GARIN1A: variants seen among roughly 807,000 people sequenced by gnomAD.
GARIN1A encodes the protein Golgi-associated RAB2 interactor protein 1A.
At chr7:128,697,038 G>T in the GARIN1A span, among the ~76,000 whole-genome samples, 7 of 152,126 alleles carry the variant, frequency 4.6e-5, no homozygotes, top group Non-Finnish European at 1.0e-4. Context: ...TTTGTTCTTG[G>T]TGCTTAACCA....
chr7:128,683,451 A>ATTTT, the GARIN1A span: 1 of 107,264 alleles, frequency 9.3e-6, no homozygotes, highest in African/African-American at 4.1e-5. Flanking sequence ...AGACTGGGTA[A>ATTTT]TTTTATTTAT....
chr7:128,677,583 G>A, the GARIN1A span: 13 of 1,608,678 alleles, frequency 8.1e-6, no homozygotes, highest in South Asian at 5.5e-5. Flanking sequence ...CCTGAAGTAC[G>A]TGGAGCTACG....
the GARIN1A span, among the ~76,000 whole-genome samples, chr7:128,676,110 C>T: frequency 6.6e-6 from 1 of 151,186 alleles, no homozygotes; most frequent in Admixed American, 6.6e-5. Flanking sequence ...AGCCCCGCCT[C>T]CCGGGTTCAC....
chr7:128,707,026 G>GTT, the GARIN1A span, among the ~76,000 whole-genome samples: 18 of 148,600 alleles, frequency 1.2e-4, no homozygotes, highest in South Asian at 6.4e-4. Flanking sequence ...TCTCCTAAAA[G>GTT]TTTTTTTTTT....
the GARIN1A span, chr7:128,672,603 C>T: frequency 2.2e-5 from 24 of 1,088,680 alleles, no homozygotes; most frequent in Non-Finnish European, 2.9e-5. Flanking sequence ...AAACCTGTTC[C>T]TAGGGGTTGG....
At chr7:128,688,758 CCCCCCT>C in the GARIN1A span, among the ~76,000 whole-genome samples, 1 of 35,790 alleles carries the variant, frequency 2.8e-5, no homozygotes, top group Non-Finnish European at 5.9e-5. Flanking sequence ...TAATAACGGT[CCCCCCT>C]CCCCCTCCCC....
chr7:128,674,429 G>C, the GARIN1A span, among the ~76,000 whole-genome samples: 1 of 152,168 alleles, frequency 6.6e-6, no homozygotes, highest in East Asian at 1.9e-4. Flanking sequence ...ACAGTCCAAA[G>C]TTTACTTGAA....
chr7:128,680,104 G>A, the GARIN1A span: 17 of 1,578,058 alleles, frequency 1.1e-5, no homozygotes, highest in African/African-American at 2.2e-4. Context: ...CAGACCAGTG[G>A]CAGTTTCTCA....
chr7:128,699,989 T>A, the GARIN1A span, among the ~76,000 whole-genome samples: 1 of 152,212 alleles, frequency 6.6e-6, no homozygotes, highest in African/African-American at 2.4e-5. Context: ...TGGTTTAAAG[T>A]CCATTTGACT....
the GARIN1A span, among the ~76,000 whole-genome samples, chr7:128,689,131 G>A: frequency 6.6e-6 from 1 of 152,002 alleles, no homozygotes; most frequent in Admixed American, 6.6e-5. Flanking sequence ...GGAGTGCAGT[G>A]GCGTGATCTC....
the GARIN1A span, among the ~76,000 whole-genome samples, chr7:128,674,945 T>G: frequency 6.6e-6 from 1 of 152,134 alleles, no homozygotes; most frequent in Non-Finnish European, 1.5e-5. Flanking sequence ...CTAAAAAAAG[T>G]GTAGAGCATT....
chr7:128,675,738 ACCT>A, the GARIN1A span: 3 of 1,613,340 alleles, frequency 1.9e-6, no homozygotes, highest in Non-Finnish European at 2.5e-6. Flanking sequence ...CCTCGGGGTC[ACCT>A]CCTCGGTGCC....
the GARIN1A span, among the ~76,000 whole-genome samples, chr7:128,698,812 C>G: frequency 1.3e-5 from 2 of 152,128 alleles, no homozygotes. Context: ...GTCTCGAACT[C>G]CTGACCTCAA....
chr7:128,706,162 G>A, the GARIN1A span, among the ~76,000 whole-genome samples: 6 of 152,210 alleles, frequency 3.9e-5, no homozygotes, highest in South Asian at 1.2e-3. Flanking sequence ...GCACCTCCAG[G>A]CTGTCTTCTG....
At chr7:128,679,132 G>A in the GARIN1A span, among the ~76,000 whole-genome samples, 1 of 150,542 alleles carries the variant, frequency 6.6e-6, no homozygotes, top group Non-Finnish European at 1.5e-5. Context: ...GGCATTGTCT[G>A]TTGTGTTCTT....
chr7:128,688,960 C>A, the GARIN1A span, among the ~76,000 whole-genome samples: 1 of 151,554 alleles, frequency 6.6e-6, no homozygotes, highest in Non-Finnish European at 1.5e-5. Context: ...GCCACCACGC[C>A]TGACTGGTTT....
At chr7:128,675,980 C>A in the GARIN1A span, 1 of 643,554 alleles carries the variant, frequency 1.6e-6, no homozygotes, top group Non-Finnish European at 2.7e-6. Flanking sequence ...CCCTGTAGAA[C>A]TCATTCATTC....
the GARIN1A span, among the ~76,000 whole-genome samples, chr7:128,673,221 A>G: frequency 6.6e-6 from 1 of 152,222 alleles, no homozygotes; most frequent in African/African-American, 2.4e-5. Flanking sequence ...CAGGAGGTGC[A>G]GAGAAAAATC....
chr7:128,674,954 T>C, the GARIN1A span, among the ~76,000 whole-genome samples: 1 of 152,036 alleles, frequency 6.6e-6, no homozygotes, highest in African/African-American at 2.4e-5. Context: ...GTGTAGAGCA[T>C]TGGGAGAAGG....
Sources: gnomAD v4.1 joint callset for allele counts (sites outside exome capture counted in the v4.1 genomes callset) on GRCh38, gnomAD v4.1.1 for gene constraint, MANE v1.5 for transcripts, NCBI Gene and HGNC (gene_info 2026-07-23, HGNC 2026-07-21) for gene names.